The following SYNE2 variants were observed in gnomAD, a reference collection of about 807,000 sequenced individuals.
The protein encoded by SYNE2 is nesprin-2.
A neutral mutation model predicts 856.3 loss-of-function variants in SYNE2; 431 were observed. The observed-to-expected ratio is 0.50, with a 90% CI of 0.47 to 0.55. The LOEUF (loss-of-function observed/expected upper bound fraction) is 0.55. SYNE2 is among the 20% of genes least tolerant of loss of function. SYNE2 has a pLI of 0.00. For missense variants in SYNE2, 8,129 were observed against 8,023.2 expected, an observed-to-expected ratio of 1.01 and a Z score of -0.50; for synonymous variants, 2,923 against 2,872.3, an observed-to-expected ratio of 1.02 and a Z score of -0.56.
intron 85 of SYNE2, among the ~76,000 whole-genome samples, chr14:64,155,190 G>A (rs753716812): frequency 4.6e-5 from 7 of 152,204 alleles, no homozygotes; most frequent in Non-Finnish European, 1.0e-4. Flanking sequence ...CATGATTCAT[G>A]ATAGCCAGAA....
chr14:64,173,001 A>G (rs1014365276), intron 94 of SYNE2, among the ~76,000 whole-genome samples: 2 of 151,958 alleles, frequency 1.3e-5, no homozygotes, highest in Admixed American at 6.6e-5. Flanking sequence ...GAAAGAGCCT[A>G]TTTGGGTGTG....
Position 63,913,663 on chromosome 14 carries a change from A to C in SYNE2, c.79+4436A>C, listed in dbSNP as rs144232748. On this transcript the variant is annotated intron_variant, in intron 2 of 115. Coordinates refer to ENST00000555002, the MANE Select transcript of SYNE2 (RefSeq NM_182914.3). ...TTTTTAGTAGAGAGGGGATTTCACC[A>C]TGTTGGCCAGGTTGGTCTCTAACTC... Among the ~76,000 whole-genome samples the C allele has an allele frequency of 8.6e-4, 131 of 151,588 alleles. 1 individual carries two copies. The highest frequency in any genetic ancestry group is 3.4e-3 in the Middle Eastern group (1 of 294).
chr14:64,114,315 G>A (rs1349110172), intron 66 of SYNE2, among the ~76,000 whole-genome samples: 1 of 152,154 alleles, frequency 6.6e-6, no homozygotes, highest in African/African-American at 2.4e-5. Context: ...AAGAGCAGGG[G>A]CACGCGAGCT....
At position 63,995,198 on chromosome 14, in the gene SYNE2, A is replaced by T; in HGVS notation, c.2936A>T (p.His979Leu). The change falls in exon 23 of 116, where the codon CAT becomes CTT. Residue 979 changes from histidine to leucine, a missense_variant. His to Leu is a moderately conservative substitution (Grantham distance 99). Transcript: ENST00000555002. ...AGGACCAAGGGTCTCATCAAAGAAC[A>T]TGAGGTACAATAAAGTGTTTCCACT... is the stretch of plus-strand genomic sequence containing the variant. Reference protein sequence around the residue: ...RGRTKGLIKEHEACFSEEGCL... With the variant: ...RGRTKGLIKELEACFSEEGCL... 1 of 1,605,526 alleles carries T rather than the reference A, an allele frequency of 6.2e-7. No homozygotes were observed. The highest frequency in any genetic ancestry group is 8.5e-7 in the Non-Finnish European group (1 of 1,174,620).
chr14:64,027,504 TAGA>T lies in SYNE2; in HGVS notation c.6428_6430del (p.Glu2143del), dbSNP rs764212736. 4 of 1,597,714 alleles carry T rather than the reference TAGA, an allele frequency of 2.5e-6. No individual in the cohort carries two copies. The highest frequency in any genetic ancestry group is 1.2e-5 in the South Asian group (1 of 86,700). ...TTTAGCCATCAAGAAAAGCTTCTAC[TAGA>T]AGGAGAGAAATATTTACAAAGTAAG... On this transcript the variant is annotated inframe_deletion, in exon 43 of 116. Coordinates refer to ENST00000555002, the MANE Select transcript of SYNE2 (RefSeq NM_182914.3).
In SYNE2 at chr14:63,991,115, G is replaced by T; in HGVS notation, c.2646G>T (p.Lys882Asn). 6.2e-7 allele frequency: 1 copy of T among 1,613,954 alleles called. No homozygotes were observed. Among genetic ancestry groups the T allele is most frequent in the Non-Finnish European group, 8.5e-7 (1 of 1,179,908 alleles). Reference sequence around the variant, plus strand: ...CCGGTGAACTCATTTCAAAACACAAGGTGGGAATCTTTTCAACCATCAAAT... The same window carrying T: ...CCGGTGAACTCATTTCAAAACACAATGTGGGAATCTTTTCAACCATCAAAT... ...ESPGELISKHKEALIISNTKS... is the reference protein window; with the variant it reads ...ESPGELISKHNEALIISNTKS... The change falls in exon 21 of 116, where the codon AAG becomes AAT. Residue 882 changes from lysine to asparagine, a missense_variant and splice_region_variant. Coordinates refer to ENST00000555002, the MANE Select transcript of SYNE2 (RefSeq NM_182914.3).
chr14:64,002,446 G>T (rs1417261004), intron 29 of SYNE2, among the ~76,000 whole-genome samples: 1 of 152,076 alleles, frequency 6.6e-6, no homozygotes, highest in Non-Finnish European at 1.5e-5. Flanking sequence ...TCATTTTTCA[G>T]ATTATAAAAT....
chr14:63,942,747 T>C (rs902934499), intron 6 of SYNE2, among the ~76,000 whole-genome samples: 1 of 151,862 alleles, frequency 6.6e-6, no homozygotes, highest in Admixed American at 6.6e-5. Context: ...CGTCCACCTC[T>C]GCCTCCCAAA....
At position 64,029,985 on chromosome 14, in the gene SYNE2, T is replaced by C. The variant is rs1428178412; in HGVS notation, c.6805T>C (p.Ser2269Pro). 6.2e-7 allele frequency: 1 copy of C among 1,614,114 alleles called. No homozygotes were observed. The highest frequency in any genetic ancestry group is 8.5e-7 in the Non-Finnish European group (1 of 1,179,952). ...CCTGAATACTACATTGGACAATTTC[T>C]CCAAGGAATTTGTCAGTTTTTCTGA... ...TDLNTTLDNF[S>P]KEFVSFSDKP... is the part of the protein sequence containing the mutation. Residue 2269 changes from serine to proline, a missense_variant, in exon 44 of 116, where the codon TCC becomes CCC. By Grantham distance (74) the Ser-to-Pro change is moderately conservative. Around this residue, in one of 3 missense-constraint regions of SYNE2, gnomAD observed 297 missense variants for 380.9 expected, o/e 0.78. Coordinates refer to ENST00000555002, the MANE Select transcript of SYNE2 (RefSeq NM_182914.3).
In SYNE2 at chr14:64,021,507, A is replaced by G; in HGVS notation, c.5344A>G (p.Lys1782Glu). 6.2e-7 allele frequency: 1 copy of G among 1,614,122 alleles called. No homozygotes were observed. The highest frequency in any genetic ancestry group is 8.5e-7 in the Non-Finnish European group (1 of 1,180,018). The change falls in exon 36 of 116, where the codon AAA becomes GAA. Residue 1782 changes from lysine (K) to glutamate (E), a missense_variant. Transcript: ENST00000555002. ...TTCTGACAGCTTGGAGATCTTCACT[A>G]AACTAGAGGTGCTACCGAGCTGCTT... ...SPSDSLEIFT[K>E]LEEIQQQILQ... is the part of the protein sequence containing the mutation.
At chr14:64,101,780 C>T (rs2097731832) in intron 63 of SYNE2, 152 bp from the exon 64 acceptor site, 2 of 654,668 alleles carry the variant, frequency 3.1e-6, no homozygotes, top group Admixed American at 2.4e-5. Flanking sequence ...AAAAAAAATA[C>T]AGATAAAAAA....
chr14:63,859,096 G>A (rs978573471), intron 1 of SYNE2, among the ~76,000 whole-genome samples: 1 of 151,992 alleles, frequency 6.6e-6, no homozygotes, highest in Non-Finnish European at 1.5e-5. Flanking sequence ...GTGTAGGGAC[G>A]AGGGGCATTT....
chr14:64,037,142 T>C (rs2097096962), intron 45 of SYNE2, among the ~76,000 whole-genome samples: 1 of 151,944 alleles, frequency 6.6e-6, no homozygotes, highest in Non-Finnish European at 1.5e-5. Context: ...TCTTTTTTTT[T>C]TTTTTTTAAT....
intron 88 of SYNE2, 59 bp from the exon 89 acceptor site, chr14:64,163,343 G>T: frequency 6.3e-7 from 1 of 1,588,202 alleles, no homozygotes; most frequent in East Asian, 2.2e-5. Flanking sequence ...GCAGCAGCGG[G>T]TAGGGAATTG....
intron 7 of SYNE2, among the ~76,000 whole-genome samples, chr14:63,952,335 G>T (rs985699309): frequency 2.0e-5 from 3 of 152,156 alleles, no homozygotes; most frequent in Admixed American, 6.6e-5. Context: ...AGCTGCAGCC[G>T]CCATCCTTTA....
At chr14:63,783,345 C>A (rs1887390789) in intron 1 of SYNE2, among the ~76,000 whole-genome samples, 1 of 152,082 alleles carries the variant, frequency 6.6e-6, no homozygotes, top group South Asian at 2.1e-4. Flanking sequence ...GTGAGTCAAT[C>A]CCTTTATAAA....
chr14:63,902,630 G>C (rs1263373336), intron 1 of SYNE2, among the ~76,000 whole-genome samples: 1 of 151,804 alleles, frequency 6.6e-6, no homozygotes, highest in East Asian at 1.9e-4. Flanking sequence ...AGACCCGGGA[G>C]ACTCAATCTA....
At chr14:63,997,461 T>C in intron 25 of SYNE2, 70 bp downstream of exon 25, 1 of 1,196,130 alleles carries the variant, frequency 8.4e-7, no homozygotes, top group Non-Finnish European at 1.2e-6. Context: ...ATAATTCACT[T>C]CTCATTAATT....
At chr14:63,907,636 C>T (rs1168954892) in intron 1 of SYNE2, among the ~76,000 whole-genome samples, 1 of 151,572 alleles carries the variant, frequency 6.6e-6, no homozygotes, top group Non-Finnish European at 1.5e-5. Flanking sequence ...TTAGAAAATT[C>T]ATTCTGGAAT....
Sources: gnomAD v4.1 joint callset for allele counts (sites outside exome capture counted in the v4.1 genomes callset) on GRCh38, gnomAD v4.1.1 for gene constraint, gnomAD v4.1.1 regional missense constraint, MANE v1.5 for transcripts, NCBI Gene and HGNC (gene_info 2026-07-23, HGNC 2026-07-21) for gene names.